Variants in FAM220A observed in about 807,000 individuals in gnomAD.
FAM220A encodes the protein protein FAM220A.
For synonymous variants in FAM220A, 141 were observed against 130.7 expected (o/e 1.08, Z -0.54); for missense variants, 392 against 321.6 (o/e 1.22, Z -1.68).
rs563769886 is a variant in FAM220A, at chr7:6,347,984, C to T, written c.-82+589G>A. ...GGAGCGCAATGGAGCGATCTCGGCTCACCGCAACCTGCGCCTCCCAGGTTC... is the reference window on the plus strand; with the variant it reads ...GGAGCGCAATGGAGCGATCTCGGCTTACCGCAACCTGCGCCTCCCAGGTTC... On this transcript the variant is annotated intron_variant, in intron 1 of 1. Transcript: ENST00000313324. Among the ~76,000 whole-genome samples the T allele has an allele frequency of 2.3e-3, 346 of 151,132 alleles. 1 individual carries two copies. Among genetic ancestry groups the T allele is most frequent in the African/African-American group, 7.7e-3 (318 of 41,320 alleles).
At chr7:6,332,544 G>A (rs1319337481) in intron 1 of FAM220A, among the ~76,000 whole-genome samples, 9 of 152,106 alleles carry the variant, frequency 5.9e-5, no homozygotes, top group East Asian at 1.9e-4. Flanking sequence ...TCAGCCAGGC[G>A]TGGTGGCTCA....
At chr7:6,336,284 G>A (rs1781744731) in intron 1 of FAM220A, among the ~76,000 whole-genome samples, 1 of 151,948 alleles carries the variant, frequency 6.6e-6, no homozygotes, top group South Asian at 2.1e-4. Flanking sequence ...GAAGCTCAAG[G>A]CTGCAGTAAG....
intron 1 of FAM220A, among the ~76,000 whole-genome samples, 161 bp from the exon 2 acceptor site, chr7:6,331,396 C>G (rs1404005810): frequency 2.6e-5 from 4 of 152,228 alleles, no homozygotes; most frequent in Non-Finnish European, 5.9e-5. Flanking sequence ...CTCCTGACCT[C>G]AGGTGATCCA....
chr7:6,332,828 C>T (rs1329358305), intron 1 of FAM220A, among the ~76,000 whole-genome samples: 1 of 152,138 alleles, frequency 6.6e-6, no homozygotes, highest in Non-Finnish European at 1.5e-5. Context: ...AACTAGGAGA[C>T]TCTTAATGCT....
In FAM220A at chr7:6,330,952, T is replaced by C. The variant is rs1220855078; in HGVS notation, c.203A>G (p.Asp68Gly). ...SEALSLEMRK[D>G]PSGAGLWLHS... ...AAGCCAGAGGCCAGCCCCGCTCGGATCCTTTCTCATTTCCAGTGATAATGC... is the reference window on the plus strand; with the variant it reads ...AAGCCAGAGGCCAGCCCCGCTCGGACCCTTTCTCATTTCCAGTGATAATGC... Residue 68 changes from aspartate to glycine, a missense_variant, in exon 2 of 2, where the codon GAT (aspartate) becomes GGT (glycine). Coordinates refer to ENST00000313324, the MANE Select transcript of FAM220A (RefSeq NM_001037163.2). 1 of 1,614,114 alleles carries C rather than the reference T, an allele frequency of 6.2e-7. No homozygotes were observed. The highest frequency in any genetic ancestry group is 2.2e-5 in the East Asian group (1 of 44,892).
intron 1 of FAM220A, among the ~76,000 whole-genome samples, chr7:6,343,425 T>TG (rs1364229968): frequency 2.3e-5 from 3 of 129,918 alleles, no homozygotes; most frequent in East Asian, 2.1e-4. Context: ...TATATATATA[T>TG]ATATATATAT....
At chr7:6,340,447 G>C in intron 1 of FAM220A, among the ~76,000 whole-genome samples, 1 of 152,226 alleles carries the variant, frequency 6.6e-6, no homozygotes, top group African/African-American at 2.4e-5. Context: ...TCAGTAGAAG[G>C]GCAGAGGCCG....
intron 1 of FAM220A, among the ~76,000 whole-genome samples, chr7:6,334,659 G>A (rs943301846): frequency 2.6e-5 from 4 of 151,810 alleles, no homozygotes; most frequent in Non-Finnish European, 2.9e-5. Context: ...TAGAGATGGG[G>A]TTCCACGAGT....
intron 1 of FAM220A, 45 bp downstream of exon 1, chr7:6,348,528 G>A (rs1372697287): frequency 4.8e-6 from 2 of 413,772 alleles, no homozygotes; most frequent in Middle Eastern, 6.2e-4. Context: ...GGGCGAGGCG[G>A]GCGCTCGGGG....
At chr7:6,343,042 AAAAAAAG>A (rs1000890663) in intron 1 of FAM220A, among the ~76,000 whole-genome samples, 15 of 126,938 alleles carry the variant, frequency 1.2e-4, no homozygotes, top group African/African-American at 4.5e-4. Flanking sequence ...TTCTCAAAAA[AAAAAAAG>A]AAAAAAGAAA....
chr7:6,336,518 T>C lies in FAM220A; in HGVS notation c.-81-5283A>G, dbSNP rs1304786134. Among the ~76,000 whole-genome samples, 5 of 151,766 alleles carry C rather than the reference T, an allele frequency of 3.3e-5. No homozygotes were observed. In the East Asian group the frequency reaches 7.7e-4, roughly 24 times the overall value. Reference sequence around the variant, plus strand: ...CAACACAGGGAAACCCTATCTCTACTAAAAATACAAAAATTAGCTGGGTAT... The same window carrying C: ...CAACACAGGGAAACCCTATCTCTACCAAAAATACAAAAATTAGCTGGGTAT... On this transcript the variant is annotated intron_variant, in intron 1 of 1. Coordinates refer to ENST00000313324, the MANE Select transcript of FAM220A (RefSeq NM_001037163.2).
At chr7:6,333,022 T>C (rs896235069) in intron 1 of FAM220A, among the ~76,000 whole-genome samples, 3 of 151,842 alleles carry the variant, frequency 2.0e-5, no homozygotes, top group Admixed American at 6.6e-5. Context: ...CCAGACGTGC[T>C]GGCGGGTGCC....
chr7:6,331,008 C>T lies in FAM220A; in HGVS notation c.147G>A (p.Lys49=), dbSNP rs1399642316. The part of the protein sequence containing the change: ...WPADAPSWMN[K]PVVDGNSQSE... ...TTTGTGAATTTCCATCAACCACAGG[C>T]TTATTCATCCAGGAGGGTGCATCTG... is the stretch of plus-strand genomic sequence containing the variant. Residue 49 remains lysine, a synonymous_variant, in exon 2 of 2, where the codon AAG becomes AAA. Transcript: ENST00000313324. 1 of 1,614,220 alleles carries T rather than the reference C, an allele frequency of 6.2e-7. No individual in the cohort carries two copies. The highest frequency in any genetic ancestry group is 8.5e-7 in the Non-Finnish European group (1 of 1,180,046).
chr7:6,348,744 C>T lies in FAM220A; in HGVS notation c.-253G>A, dbSNP rs983295984. 1 of 410,760 alleles carries T rather than the reference C, an allele frequency of 2.4e-6. No homozygotes were observed. The highest frequency in any genetic ancestry group is 4.3e-6 in the Non-Finnish European group (1 of 232,144). 25.4% of individuals were successfully genotyped at this position (410,760 alleles called of 1,614,324 possible). A position where few individuals can be genotyped will look rare whatever the true frequency, so the allele number is the denominator to read the frequency against. ...GCGAGAGCCGGACAGCCAGGCCCGACAGAGCCGCCGCCATATAGAGACCGG... is the reference window on the plus strand; with the variant it reads ...GCGAGAGCCGGACAGCCAGGCCCGATAGAGCCGCCGCCATATAGAGACCGG... On this transcript the variant is annotated 5_prime_UTR_variant, in exon 1 of 2. Coordinates refer to ENST00000313324, the MANE Select transcript of FAM220A (RefSeq NM_001037163.2).
intron 1 of FAM220A, among the ~76,000 whole-genome samples, chr7:6,338,150 C>G (rs1197359270): frequency 6.6e-6 from 1 of 152,160 alleles, no homozygotes; most frequent in Middle Eastern, 3.2e-3. Flanking sequence ...GCTCACAGCC[C>G]TCAACTAACC....
chr7:6,330,322 T>C lies in FAM220A; in HGVS notation c.*53A>G, dbSNP rs2115123487. ...GCATCCAGACTTAATGCGAAAGAAA[T>C]CATTCTAAGACAACTCTTAAAATTA... On this transcript the variant is annotated 3_prime_UTR_variant, in exon 2 of 2. Coordinates refer to ENST00000313324, the MANE Select transcript of FAM220A (RefSeq NM_001037163.2). 1.3e-6 allele frequency: 2 copies of C among 1,518,458 alleles called. No homozygotes were observed. The highest frequency in any genetic ancestry group is 2.3e-5 in the East Asian group (1 of 44,230). 94.1% of individuals were successfully genotyped at this position (1,518,458 alleles called of 1,614,324 possible).
intron 1 of FAM220A, among the ~76,000 whole-genome samples, chr7:6,347,789 C>T (rs933285112): frequency 6.6e-6 from 1 of 151,548 alleles, no homozygotes; most frequent in Non-Finnish European, 1.5e-5. Flanking sequence ...GATGTGGTGG[C>T]TCATGCCTAT....
At chr7:6,345,269 C>T (rs1385672881) in intron 1 of FAM220A, among the ~76,000 whole-genome samples, 1 of 151,922 alleles carries the variant, frequency 6.6e-6, no homozygotes, top group African/African-American at 2.4e-5. Context: ...AGGCACGCAC[C>T]ACGACACCCG....
Position 6,330,650 on chromosome 7 carries a change from C to G in FAM220A, c.505G>C (p.Asp169His). Residue 169 changes from aspartate (D) to histidine (H), a missense_variant, in exon 2 of 2, where the codon GAT becomes CAT. Transcript: ENST00000313324. ...TTGGGAAAAGCACTTGGTGGGTCAT[C>G]CTGAAAACTTCCCATTTCCGGCACT... Reference protein sequence around the residue: ...QKVPEMGSFQDDPPSAFPKGL... With the variant: ...QKVPEMGSFQHDPPSAFPKGL... 1.2e-6 allele frequency: 2 copies of G among 1,614,108 alleles called. No homozygotes were observed. The highest frequency in any genetic ancestry group is 1.7e-6 in the Non-Finnish European group (2 of 1,180,042).
Sources: gnomAD v4.1 joint callset for allele counts (sites outside exome capture counted in the v4.1 genomes callset) on GRCh38, gnomAD v4.1.1 for gene constraint, MANE v1.5 for transcripts, NCBI Gene and HGNC (gene_info 2026-07-23, HGNC 2026-07-21) for gene names.